The following FOXN1 variants were observed in gnomAD, a reference collection of about 807,000 sequenced individuals.
The protein encoded by FOXN1 is forkhead box protein N1.
FOXN1 carries 15 observed loss-of-function variants against 49.0 expected under a neutral mutation model. That is an observed-to-expected ratio of 0.31 (90% confidence interval 0.20 to 0.47). The LOEUF is 0.47. Among genes scored for constraint, FOXN1 ranks in the 20% least tolerant of loss-of-function variants. The probability of loss-of-function intolerance (pLI) is 1.00; values close to 1 mark genes in which losing one functional copy is unlikely to be tolerated. For synonymous variants in FOXN1, 356 were observed against 369.0 expected (o/e 0.96, Z 0.40); for missense variants, 800 against 842.8 (o/e 0.95, Z 0.63).
chr17:28,523,792 TTCTCTCTCTC>T (rs10527420), intron 1 of FOXN1, 154 bp from the exon 2 acceptor site: 9,753 of 644,526 alleles, frequency 0.015, 15 homozygotes, highest in African/African-American at 0.033. Context: ...CGCTCTCTGG[TTCTCTCTCTC>T]TCTCTCTCTC....
At chr17:28,529,369 G>C in intron 5 of FOXN1, 145 bp downstream of exon 5, 1 of 1,026,880 alleles carries the variant, frequency 9.7e-7, no homozygotes, top group African/African-American at 1.6e-5. Context: ...GCTGGAGAGA[G>C]GGTTCCTGCA....
Position 28,535,143 on chromosome 17 carries a change from C to A in FOXN1, c.1572C>A (p.Asp524Glu), listed in dbSNP as rs1013487643. The A allele has an allele frequency of 6.2e-7, 1 of 1,612,694 alleles. No individual in the cohort carries two copies. The highest frequency in any genetic ancestry group is 8.5e-7 in the Non-Finnish European group (1 of 1,179,306). The change falls in exon 8 of 9, where the codon GAC becomes GAA. Residue 524 changes from aspartate (D) to glutamate (E), a missense_variant. Around this residue, in one of 3 missense-constraint regions of FOXN1, gnomAD observed 344 missense variants for 366.1 expected, o/e 0.94. Transcript: ENST00000579795. ...TMHDTLLPDG[D>E]LGTDLDAINP... ...ACGACACCCTGCTGCCAGATGGAGA[C>A]CTTGGCACTGACCTGGATGCCATCA...
At chr17:28,521,173 A>G (rs1269345022) in intron 1 of FOXN1, among the ~76,000 whole-genome samples, 3 of 152,214 alleles carry the variant, frequency 2.0e-5, no homozygotes, top group East Asian at 3.9e-4. Context: ...AGAGCTACAC[A>G]GTTTGCTCAA....
At chr17:28,524,243 C>T in intron 2 of FOXN1, 151 bp downstream of exon 2, 1 of 831,314 alleles carries the variant, frequency 1.2e-6, no homozygotes, top group Non-Finnish European at 1.9e-6. Flanking sequence ...CCCCGAGATC[C>T]AGAGGGGTCA....
At position 28,537,234 on chromosome 17, in the gene FOXN1, C is replaced by T. The variant is rs754057235; in HGVS notation, c.1745C>T (p.Pro582Leu). The T allele has an allele frequency of 2.5e-6, 4 of 1,613,978 alleles. No individual in the cohort carries two copies. The highest frequency in any genetic ancestry group is 2.2e-5 in the East Asian group (1 of 44,874). ...CCCCAGCCACCACCTCACTGCTTCCCCCCTGGGCCCTGTCTGACAGAGACA... is the reference window on the plus strand; with the variant it reads ...CCCCAGCCACCACCTCACTGCTTCCTCCCTGGGCCCTGTCTGACAGAGACA... ...PPPQPPPHCF[P>L]PGPCLTETGS... Residue 582 changes from proline to leucine, a missense_variant, in exon 9 of 9, where the codon CCC becomes CTC. By Grantham distance (98) the Pro-to-Leu change is moderately conservative. Around this residue, in one of 3 missense-constraint regions of FOXN1, gnomAD observed 344 missense variants for 366.1 expected, o/e 0.94. Transcript: ENST00000579795.
chr17:28,528,239 G>A (rs1278043251), intron 4 of FOXN1, among the ~76,000 whole-genome samples: 1 of 152,212 alleles, frequency 6.6e-6, no homozygotes, highest in African/African-American at 2.4e-5. Flanking sequence ...AGGCATGAGA[G>A]GACATCCTCT....
intron 5 of FOXN1, among the ~76,000 whole-genome samples, chr17:28,529,837 T>C (rs2069865795): frequency 6.6e-6 from 1 of 152,116 alleles, no homozygotes; most frequent in South Asian, 2.1e-4. Context: ...GAGAGGAACT[T>C]AAGCATCAGC....
At chr17:28,520,627 G>T (rs1371818770) in intron 1 of FOXN1, among the ~76,000 whole-genome samples, 4 of 152,242 alleles carry the variant, frequency 2.6e-5, no homozygotes, top group Admixed American at 2.6e-4. Context: ...GCAAGGCTAT[G>T]AAAGTCATGG....
chr17:28,510,856 A>G (rs905644458), intron 1 of FOXN1, among the ~76,000 whole-genome samples: 3 of 152,150 alleles, frequency 2.0e-5, no homozygotes, highest in African/African-American at 7.2e-5. Context: ...GGTTTTGGAG[A>G]AAAAATTATT....
chr17:28,506,720 T>A (rs998560161), intron 1 of FOXN1, among the ~76,000 whole-genome samples: 18 of 152,324 alleles, frequency 1.2e-4, no homozygotes, highest in African/African-American at 4.3e-4. Flanking sequence ...ATTTTGTGTG[T>A]GTCTCTGTGT....
At position 28,518,283 on chromosome 17, in the gene FOXN1, G is replaced by A. The variant is rs1221622736; in HGVS notation, c.-14-5673G>A. Among the ~76,000 whole-genome samples, 5 of 152,346 alleles carry A rather than the reference G, an allele frequency of 3.3e-5. No individual in the cohort carries two copies. In the East Asian group the frequency reaches 5.8e-4, roughly 18 times the overall value. ...GCCTCAGCATCTTTAGATGCAAATG[G>A]TCCCAGGGCCTCGTTTGACTTATAG... is the stretch of plus-strand genomic sequence containing the variant. On this transcript the variant is annotated intron_variant, in intron 1 of 8. Transcript: ENST00000579795.
chr17:28,527,442 G>A, intron 4 of FOXN1, 81 bp downstream of exon 4: 1 of 808,908 alleles, frequency 1.2e-6, no homozygotes. Context: ...GTGTCTATGT[G>A]ATGGCATGTG....
At chr17:28,510,863 T>C (rs1321799633) in intron 1 of FOXN1, among the ~76,000 whole-genome samples, 2 of 152,242 alleles carry the variant, frequency 1.3e-5, no homozygotes, top group East Asian at 3.9e-4. Flanking sequence ...GAGAAAAAAT[T>C]ATTTGGGGTG....
In FOXN1 at chr17:28,523,962, A is replaced by T. The variant is rs755355520; in HGVS notation, c.-8A>T. 6.2e-7 allele frequency: 1 copy of T among 1,613,004 alleles called. No individual in the cohort carries two copies. The highest frequency in any genetic ancestry group is 8.5e-7 in the Non-Finnish European group (1 of 1,179,918). On this transcript the variant is annotated 5_prime_UTR_variant, in exon 2 of 9. Coordinates refer to ENST00000579795, the MANE Select transcript of FOXN1 (RefSeq NM_001369369.1). ...GCAGACGGCTTTCTTTGAGGCCAGG[A>T]CTGGGTGATGGTGTCGCTACCCCCG...
At chr17:28,531,500 A>T (rs975279655) in intron 6 of FOXN1, among the ~76,000 whole-genome samples, 2 of 152,136 alleles carry the variant, frequency 1.3e-5, no homozygotes, top group African/African-American at 4.8e-5. Context: ...CTCTTCTCCC[A>T]AGGTGGACAA....
intron 1 of FOXN1, 55 bp from the exon 2 acceptor site, chr17:28,523,901 G>C (rs1367434857): frequency 6.2e-7 from 1 of 1,600,406 alleles, no homozygotes; most frequent in Non-Finnish European, 8.6e-7. Context: ...GCGAACCTGG[G>C]TTGGTCCCCA....
At chr17:28,507,268 G>A (rs1220609867) in intron 1 of FOXN1, among the ~76,000 whole-genome samples, 6 of 152,134 alleles carry the variant, frequency 3.9e-5, no homozygotes, top group Non-Finnish European at 8.8e-5. Context: ...CCCACTACCC[G>A]CTCAGATAAG....
intron 4 of FOXN1, 25 bp downstream of exon 4, chr17:28,527,386 C>A (rs1378252336): frequency 7.4e-7 from 1 of 1,347,232 alleles, no homozygotes; most frequent in Non-Finnish European, 1.1e-6. Flanking sequence ...AGTGGGCCTG[C>A]TTCCCCCAGG....
In FOXN1 at chr17:28,524,879, A is replaced by G; in HGVS notation, c.500A>G (p.Glu167Gly). The change falls in exon 3 of 9, where the codon GAG becomes GGG. Residue 167 changes from glutamate to glycine, a missense_variant. Physicochemically the swap from Glu to Gly is moderately conservative, Grantham distance 98. This residue lies in a region of FOXN1 where 383 missense variants were observed against 357.9 expected (regional missense o/e 1.07). Transcript: ENST00000579795. Reference sequence around the variant, plus strand: ...GAGGAGATCCCAGTGGACGTGGCGGAGGCCGAGGCCTTCCTGCCTGGCTTC... The same window carrying G: ...GAGGAGATCCCAGTGGACGTGGCGGGGGCCGAGGCCTTCCTGCCTGGCTTC... Reference protein sequence around the residue: ...AFEEIPVDVAEAEAFLPGFSA... With the variant: ...AFEEIPVDVAGAEAFLPGFSA... 2.5e-6 allele frequency: 4 copies of G among 1,613,606 alleles called. No individual in the cohort carries two copies. Among genetic ancestry groups the G allele is most frequent in the Non-Finnish European group, 3.4e-6 (4 of 1,180,012 alleles).
Sources: gnomAD v4.1 joint callset for allele counts (sites outside exome capture counted in the v4.1 genomes callset) on GRCh38, gnomAD v4.1.1 for gene constraint, gnomAD v4.1.1 regional missense constraint, MANE v1.5 for transcripts, NCBI Gene and HGNC (gene_info 2026-07-23, HGNC 2026-07-21) for gene names.